WDFY3: variants seen among roughly 807,000 people sequenced by gnomAD.
The protein encoded by WDFY3 is WD repeat and FYVE domain-containing protein 3.
A neutral mutation model predicts 409.6 loss-of-function variants in WDFY3; 66 were observed. The observed-to-expected ratio is 0.16, with a 90% CI of 0.13 to 0.20. The LOEUF (loss-of-function observed/expected upper bound fraction) is 0.20. Among genes scored for constraint, WDFY3 ranks in the 10% least tolerant of loss-of-function variants. The pLI is 1.00. For missense variants in WDFY3, 3,031 were observed against 4,298.1 expected, an observed-to-expected ratio of 0.71 and a Z score of 8.24; for synonymous variants, 1,521 against 1,537.1, an observed-to-expected ratio of 0.99 and a Z score of 0.25.
At chr4:84,760,439 T>A (rs1578399395) in intron 32 of WDFY3, among the ~76,000 whole-genome samples, 2 of 152,122 alleles carry the variant, frequency 1.3e-5, no homozygotes, top group East Asian at 3.9e-4. Flanking sequence ...GGTCCTGGAC[T>A]CTTTTTGGTT....
intron 1 of WDFY3, among the ~76,000 whole-genome samples, chr4:84,956,756 G>GT (rs1321688432): frequency 3.3e-5 from 5 of 151,988 alleles, no homozygotes; most frequent in African/African-American, 4.8e-5. Flanking sequence ...TAGGGCTTCA[G>GT]TTTTTTTAAG....
At position 84,885,220 on chromosome 4, in the gene WDFY3, G is replaced by T. The variant is rs191741675; in HGVS notation, c.-32+11691C>A. On this transcript the variant is annotated intron_variant, in intron 3 of 67. Coordinates refer to ENST00000295888, the MANE Select transcript of WDFY3 (RefSeq NM_014991.6). ...GGATTCCACCATGTTGGCCAGGCTG[G>T]TCTTGAACTCCTGACCTCAAGTGAT... Among the ~76,000 whole-genome samples the T allele has an allele frequency of 5.2e-4, 79 of 151,828 alleles. 1 individual carries two copies. The East Asian group carries it at 0.013, about 25-fold the overall frequency.
chr4:84,778,719 A>G (rs1323774669), intron 26 of WDFY3, 64 bp from the exon 27 acceptor site: 14 of 1,522,832 alleles, frequency 9.2e-6, no homozygotes, highest in Non-Finnish European at 1.2e-5. Context: ...ACACACACAC[A>G]AACACACACA....
At chr4:84,874,787 G>A (rs567125760) in intron 3 of WDFY3, among the ~76,000 whole-genome samples, 3 of 152,188 alleles carry the variant, frequency 2.0e-5, no homozygotes, top group African/African-American at 2.4e-5. Flanking sequence ...GTTGCTTAAC[G>A]ACAGGGATAC....
At position 84,740,348 on chromosome 4, in the gene WDFY3, G is replaced by T; in HGVS notation, c.6303C>A (p.Tyr2101Ter). Reference protein sequence around the residue: ...VYHCLNRTILYQFSRAHKTVP... With the variant: ...VYHCLNRTIL ...CGGTTTTGTGTGCCCGTGAGAACTG[G>T]TACAAGATGGTCCTATTGAGGCAAT... The change falls in exon 39 of 68, where the codon TAC (tyrosine) becomes TAA (stop). Residue 2101 changes from tyrosine (Y) to a stop codon, truncating the protein, a stop_gained. Transcript: ENST00000295888. LOFTEE classifies it high-confidence loss of function. 1 of 1,614,028 alleles carries T rather than the reference G, an allele frequency of 6.2e-7. No individual in the cohort carries two copies. The highest frequency in any genetic ancestry group is 1.3e-5 in the African/African-American group (1 of 74,978).
chr4:84,721,448 A>G lies in WDFY3; in HGVS notation c.7566T>C (p.Asp2522=). 6.2e-7 allele frequency: 1 copy of G among 1,613,802 alleles called. No individual in the cohort carries two copies. Among genetic ancestry groups the G allele is most frequent in the Non-Finnish European group, 8.5e-7 (1 of 1,180,036 alleles). ...GSSIEEEEKT[D]NATLLRLLEE... ...CTAACAGGCGCAGTAAGGTAGCATT[A>G]TCTGTTTTCTCCTCCTCTTCTATGG... The change falls in exon 47 of 68, where the codon GAT becomes GAC. Residue 2522 remains aspartate, a synonymous_variant. Coordinates refer to ENST00000295888, the MANE Select transcript of WDFY3 (RefSeq NM_014991.6).
chr4:84,761,126 T>C (rs1394514910), intron 32 of WDFY3, among the ~76,000 whole-genome samples: 1 of 152,144 alleles, frequency 6.6e-6, no homozygotes, highest in Non-Finnish European at 1.5e-5. Flanking sequence ...TTGAGTGAGT[T>C]TCTTAATCCT....
At chr4:84,944,462 G>C (rs1209809143) in intron 1 of WDFY3, among the ~76,000 whole-genome samples, 2 of 152,126 alleles carry the variant, frequency 1.3e-5, no homozygotes, top group African/African-American at 2.4e-5. Context: ...AACCTTGAGG[G>C]AGGAGACTGC....
chr4:84,703,046 G>A (rs566413586), intron 55 of WDFY3, among the ~76,000 whole-genome samples: 1 of 151,288 alleles, frequency 6.6e-6, no homozygotes, highest in Non-Finnish European at 1.5e-5. Context: ...GCAGTGAGCC[G>A]AGATCGTGCC....
chr4:84,874,274 A>G (rs949303239), intron 3 of WDFY3, among the ~76,000 whole-genome samples: 1 of 151,884 alleles, frequency 6.6e-6, no homozygotes, highest in Admixed American at 6.6e-5. Flanking sequence ...TTACCCAGGC[A>G]TGGTGGCACA....
chr4:84,826,918 A>C lies in WDFY3; in HGVS notation c.1020T>G (p.Thr340=). ...CACTGACACCATATGTTGTTAGGGA[A>C]GTTATCAGATTAACCAGATCTTTCA... ...DALKDLVNLI[T]SLTTYGVSEL... The change falls in exon 10 of 68, where the codon ACT becomes ACG. Residue 340 remains threonine, a synonymous_variant. Transcript: ENST00000295888. 1.2e-6 allele frequency: 2 copies of C among 1,611,110 alleles called. No homozygotes were observed. Among genetic ancestry groups the C allele is most frequent in the Non-Finnish European group, 1.7e-6 (2 of 1,179,244 alleles).
chr4:84,891,919 A>G (rs1259807961), intron 3 of WDFY3, among the ~76,000 whole-genome samples: 2 of 152,140 alleles, frequency 1.3e-5, no homozygotes, highest in African/African-American at 4.8e-5. Flanking sequence ...ACAGACCTTC[A>G]GTTCACATCA....
intron 34 of WDFY3, 66 bp downstream of exon 34, chr4:84,755,200 T>C: frequency 6.3e-7 from 1 of 1,578,670 alleles, no homozygotes; most frequent in African/African-American, 1.4e-5. Flanking sequence ...AAAATTCCTC[T>C]ATTTACAAAA....
chr4:84,829,251 T>A, intron 8 of WDFY3, 61 bp from the exon 9 acceptor site: 1 of 1,375,648 alleles, frequency 7.3e-7, no homozygotes, highest in Non-Finnish European at 9.8e-7. Context: ...AAAAATTTTT[T>A]AATTGTTAAC....
chr4:84,895,806 T>C (rs541426799), intron 3 of WDFY3, among the ~76,000 whole-genome samples: 13 of 152,296 alleles, frequency 8.5e-5, no homozygotes, highest in African/African-American at 2.4e-4. Context: ...GAAGTAGATA[T>C]CTTTCAGGAT....
At chr4:84,805,835 T>C (rs1389197162) in intron 15 of WDFY3, among the ~76,000 whole-genome samples, 1 of 152,232 alleles carries the variant, frequency 6.6e-6, no homozygotes, top group Non-Finnish European at 1.5e-5. Context: ...ATTATTATTT[T>C]GTATTCACTT....
intron 66 of WDFY3, among the ~76,000 whole-genome samples, 187 bp downstream of exon 66, chr4:84,677,981 A>G (rs922377066): frequency 4.6e-5 from 7 of 151,390 alleles, no homozygotes; most frequent in African/African-American, 1.5e-4. Context: ...AAAAAAAAAA[A>G]AAAAAAGAAA....
At chr4:84,786,451 A>G (rs987975989) in intron 23 of WDFY3, among the ~76,000 whole-genome samples, 5 of 152,186 alleles carry the variant, frequency 3.3e-5, no homozygotes, top group African/African-American at 1.2e-4. Flanking sequence ...CCTAGATTCA[A>G]AGGAAAAAGG....
chr4:84,918,852 T>C (rs370362472), intron 2 of WDFY3, among the ~76,000 whole-genome samples: 39 of 148,346 alleles, frequency 2.6e-4, no homozygotes, highest in East Asian at 2.0e-3. Context: ...CACACACACA[T>C]ATATATATAT....
Sources: allele counts gnomAD v4.1 joint callset (sites outside exome capture counted in the v4.1 genomes callset), GRCh38; gene constraint gnomAD v4.1.1; transcripts MANE v1.5; gene names NCBI Gene and HGNC (gene_info 2026-07-23, HGNC 2026-07-21).